Variants in OGDH observed in about 807,000 individuals in gnomAD.
OGDH encodes the protein oxoglutarate dehydrogenase, also known as 2-oxoglutarate dehydrogenase complex component E1.
A neutral mutation model predicts 116.6 loss-of-function variants in OGDH; 38 were observed. The observed-to-expected ratio is 0.33, with a 90% CI of 0.25 to 0.43. The LOEUF is 0.43. Among genes scored for constraint, OGDH ranks in the 20% least tolerant of loss-of-function variants. OGDH has a pLI of 1.00. For missense variants in OGDH, 825 were observed against 1,357.2 expected (o/e 0.61, Z 6.16); for synonymous variants, 488 against 533.3 (o/e 0.92, Z 1.17).
chr7:44,639,020 C>G (rs1785800350), intron 2 of OGDH, among the ~76,000 whole-genome samples: 1 of 152,146 alleles, frequency 6.6e-6, no homozygotes. Flanking sequence ...AGTGACAAAG[C>G]TAAGCGACCA....
intron 5 of OGDH, among the ~76,000 whole-genome samples, chr7:44,669,152 T>TTTTTTTTTTTTTTTTTTTG (rs1787318218): frequency 7.3e-6 from 1 of 137,330 alleles, no homozygotes; most frequent in Non-Finnish European, 1.5e-5. Context: ...CAGCTTTTTT[T>TTTTTTTTTTTTTTTTTTTG]TTTTTTTTTT....
At chr7:44,613,801 G>GCT (rs1392994115) in intron 1 of OGDH, among the ~76,000 whole-genome samples, 14 of 104,508 alleles carry the variant, frequency 1.3e-4, no homozygotes, top group Non-Finnish European at 2.9e-4. Flanking sequence ...CAGCCACCTG[G>GCT]CTTTTTTTTT....
chr7:44,618,771 T>A (rs1784899343), intron 1 of OGDH, among the ~76,000 whole-genome samples: 2 of 152,204 alleles, frequency 1.3e-5, no homozygotes, highest in Non-Finnish European at 2.9e-5. Context: ...TCCACTGTTC[T>A]GTCTTGGAGC....
In OGDH at chr7:44,700,161, C is replaced by G; in HGVS notation, c.2451C>G (p.Phe817Leu). ...DVLPDLKEAN[F>L]DINQLYDCNW... ...TGCAGGACCTTAAAGAAGCCAACTT[C>G]GACATCAATCAGCTATATGACTGCA... Residue 817 changes from phenylalanine to leucine, a missense_variant, in exon 19 of 23, where the codon TTC becomes TTG. Transcript: ENST00000222673. The G allele has an allele frequency of 3.1e-6, 5 of 1,614,194 alleles. No individual in the cohort carries two copies. Among genetic ancestry groups the G allele is most frequent in the Admixed American group, 1.7e-5 (1 of 60,020 alleles).
Position 44,676,268 on chromosome 7 carries a change from A to C in OGDH, c.1206+119A>C, listed in dbSNP as rs183688705. The C allele has an allele frequency of 3.1e-3, 4,809 of 1,559,330 alleles. 14 individuals carry two copies. Among genetic ancestry groups the C allele is most frequent in the Non-Finnish European group, 3.9e-3 (4,427 of 1,149,336 alleles). ...GCATCTAGACTTTAAAAAAATATTTAAAGTCGGCCGGGCGCAGTGTCTCAC... is the reference window on the plus strand; with the variant it reads ...GCATCTAGACTTTAAAAAAATATTTCAAGTCGGCCGGGCGCAGTGTCTCAC... On this transcript the variant is annotated intron_variant, in intron 9 of 22. Transcript: ENST00000222673.
At chr7:44,606,878 C>A (rs979950420) in intron 1 of OGDH, among the ~76,000 whole-genome samples, 6 of 152,052 alleles carry the variant, frequency 3.9e-5, no homozygotes, top group African/African-American at 1.4e-4. Context: ...GGGGCCTGCC[C>A]GGCGGGCGGA....
intron 4 of OGDH, among the ~76,000 whole-genome samples, chr7:44,655,720 A>G (rs764176800): frequency 1.3e-5 from 2 of 152,234 alleles, no homozygotes; most frequent in Non-Finnish European, 2.9e-5. Context: ...AAAAGTTTAC[A>G]GGTAGAAGGA....
At chr7:44,671,767 CAAA>C (rs758716419) in intron 5 of OGDH, among the ~76,000 whole-genome samples, 3 of 51,178 alleles carry the variant, frequency 5.9e-5, no homozygotes, top group South Asian at 6.1e-4. Flanking sequence ...GACTGCGTCT[CAAA>C]AAAAAAAAAA....
At chr7:44,648,369 A>G (rs1285264261) in intron 4 of OGDH, among the ~76,000 whole-genome samples, 1 of 152,208 alleles carries the variant, frequency 6.6e-6, no homozygotes, top group Non-Finnish European at 1.5e-5. Flanking sequence ...CACGGTTGCC[A>G]GAAGATAGTC....
chr7:44,621,717 C>T (rs906651921), intron 1 of OGDH, among the ~76,000 whole-genome samples: 1 of 152,034 alleles, frequency 6.6e-6, no homozygotes, highest in African/African-American at 2.4e-5. Context: ...ACTAAAAATA[C>T]AAAAATTAAC....
At chr7:44,654,976 ATTG>A (rs1200247316) in intron 4 of OGDH, among the ~76,000 whole-genome samples, 2 of 152,206 alleles carry the variant, frequency 1.3e-5, no homozygotes, top group African/African-American at 4.8e-5. Flanking sequence ...AATATCTTCT[ATTG>A]TTCTCTTAAC....
At chr7:44,653,391 C>T (rs1786540236) in intron 4 of OGDH, among the ~76,000 whole-genome samples, 3 of 152,162 alleles carry the variant, frequency 2.0e-5, no homozygotes, top group Non-Finnish European at 4.4e-5. Flanking sequence ...CTGCGCCTGG[C>T]CCAATTTTAT....
chr7:44,693,886 G>A lies in OGDH; in HGVS notation c.1397G>A (p.Arg466Gln), dbSNP rs1788469827. 6.2e-7 allele frequency: 1 copy of A among 1,614,024 alleles called. No individual in the cohort carries two copies. The highest frequency in any genetic ancestry group is 8.5e-7 in the Non-Finnish European group (1 of 1,179,926). The change falls in exon 11 of 23, where the codon CGA (arginine) becomes CAA (glutamine). Residue 466 changes from arginine (R) to glutamine (Q), a missense_variant. By Grantham distance (43) the Arg-to-Gln change is conservative. Transcript: ENST00000222673. Reference protein sequence around the residue: ...RSSPYPTDVARVVNAPIFHVN... With the variant: ...RSSPYPTDVAQVVNAPIFHVN... ...TCCCCCTACCCCACTGACGTGGCCC[G>A]AGTGGTGAATGCCCCCATTTTCCAC...
At chr7:44,632,710 C>T (rs570900753) in intron 2 of OGDH, among the ~76,000 whole-genome samples, 2 of 152,122 alleles carry the variant, frequency 1.3e-5, no homozygotes, top group Admixed American at 1.3e-4. Flanking sequence ...CTCCGCCTCC[C>T]CGGGTTCAAG....
At chr7:44,679,132 C>T (rs1057412104) in intron 9 of OGDH, among the ~76,000 whole-genome samples, 1 of 152,114 alleles carries the variant, frequency 6.6e-6, no homozygotes, top group African/African-American at 2.4e-5. Flanking sequence ...GCATGGTAGT[C>T]GCAGTACAAC....
chr7:44,623,984 T>C (rs185839071), intron 1 of OGDH, among the ~76,000 whole-genome samples: 381 of 152,222 alleles, frequency 2.5e-3, no homozygotes, highest in African/African-American at 8.8e-3. Flanking sequence ...TATCTGCAAC[T>C]GTGCACTCAC....
At chr7:44,611,183 C>T (rs532803704) in intron 1 of OGDH, among the ~76,000 whole-genome samples, 36 of 151,550 alleles carry the variant, frequency 2.4e-4, no homozygotes, top group East Asian at 3.9e-4. Flanking sequence ...TCAGGTGATC[C>T]GGTGATCCTC....
Position 44,707,900 on chromosome 7 carries a change from G to A in OGDH, c.2973G>A (p.Ala991=), listed in dbSNP as rs2070606. 91,621 of 1,613,344 alleles carry A rather than the reference G, an allele frequency of 0.057. 10,320 individuals carry two copies. Among genetic ancestry groups the A allele is most frequent in the African/African-American group, 0.37 (27,770 of 74,846 alleles). The change falls in exon 23 of 23, where the codon GCG becomes GCA. Residue 991 remains alanine (A), a synonymous_variant. Coordinates refer to ENST00000222673, the MANE Select transcript of OGDH (RefSeq NM_002541.4). This position sits in a 1 kb window ranked among gnomAD's most constrained non-coding sequence, Gnocchi z 5.2. ...TCAGGTATGCCGGCCGGGACCCAGCGGCTGCTCCAGCCACCGGCAACAAGA... is the reference window on the plus strand; with the variant it reads ...TCAGGTATGCCGGCCGGGACCCAGCAGCTGCTCCAGCCACCGGCAACAAGA... ...KPVWYAGRDP[A]AAPATGNKKT...
chr7:44,673,977 C>A (rs1161140869), intron 6 of OGDH, 36 bp downstream of exon 6: 1 of 1,612,422 alleles, frequency 6.2e-7, no homozygotes. Flanking sequence ...GGCAGACATT[C>A]CCAGGGAAGC....
Sources: gnomAD v4.1 joint callset for allele counts (sites outside exome capture counted in the v4.1 genomes callset) on GRCh38, gnomAD v4.1.1 for gene constraint, Gnocchi (gnomAD v3.1) non-coding constraint, MANE v1.5 for transcripts, NCBI Gene and HGNC (gene_info 2026-07-23, HGNC 2026-07-21) for gene names.